ADAM10: variants seen among roughly 807,000 people sequenced by gnomAD.
ADAM10 encodes the protein ADAM metallopeptidase domain 10.
In ADAM10, 17 loss-of-function variants were observed where a neutral mutation model predicts 90.1. The observed-to-expected ratio is 0.19, with a 90% confidence interval of 0.13 to 0.28. ADAM10 has a LOEUF of 0.28. Ranked by LOEUF, ADAM10 falls within the 10% of genes least tolerant of loss-of-function variation. ADAM10 has a pLI of 1.00. For missense variants in ADAM10, 610 were observed against 914.3 expected (o/e 0.67, Z 4.29); for synonymous variants, 310 against 298.6 (o/e 1.04, Z -0.40).
In ADAM10 at chr15:58,588,964, T is replaced by C. The variant is rs1277875839; in HGVS notation, c.*8583A>G. ...CATATTCTATAAATACAGTGCATAT[T>C]AGATTTTGAAAGAAAATTTATCTCC... On this transcript the variant is annotated 3_prime_UTR_variant, in exon 16 of 16. Transcript: ENST00000260408. 2.0e-5 allele frequency: 3 copies of C among 152,224 alleles called. No homozygotes were observed. The highest frequency in any genetic ancestry group is 1.3e-4 in the Admixed American group (2 of 15,276). The allele number at this position is 152,224 out of a possible 1,614,324, so 9.4% of individuals were successfully genotyped here. A position where few individuals can be genotyped will look rare whatever the true frequency, so the allele number is the denominator to read the frequency against.
chr15:58,639,533 T>C (rs146857830), intron 8 of ADAM10, among the ~76,000 whole-genome samples: 21 of 152,238 alleles, frequency 1.4e-4, no homozygotes, highest in Non-Finnish European at 2.6e-4. Context: ...TGAAAAATCA[T>C]AGGAAAGAGT....
rs751325304 is a variant in ADAM10, at chr15:58,594,846, C to A, written c.*2701G>T. On this transcript the variant is annotated 3_prime_UTR_variant, in exon 16 of 16. Coordinates refer to ENST00000260408, the MANE Select transcript of ADAM10 (RefSeq NM_001110.4). ...ATGCTCCTAAATTAACAAAGTAATT[C>A]ACAAAGTATTACATATTTACTCATT... 3.2e-4 allele frequency: 49 copies of A among 151,972 alleles called. No individual in the cohort carries two copies. The highest frequency in any genetic ancestry group is 3.9e-4 in the Admixed American group (6 of 15,248). The allele number at this position is 151,972 out of a possible 1,614,324, so 9.4% of individuals were successfully genotyped here.
intron 2 of ADAM10, among the ~76,000 whole-genome samples, chr15:58,685,200 G>A (rs1197879968): frequency 4.1e-5 from 6 of 146,528 alleles, no homozygotes; most frequent in Non-Finnish European, 7.5e-5. Flanking sequence ...AGTGGCTCAC[G>A]CCTGTAATCC....
chr15:58,638,614 C>CAAAAAAAAAAAAAAAAAA (rs60048171), intron 8 of ADAM10, among the ~76,000 whole-genome samples: 1 of 78,214 alleles, frequency 1.3e-5, no homozygotes, highest in African/African-American at 4.5e-5. Flanking sequence ...CACTCTGTCT[C>CAAAAAAAAAAAAAAAAAA]AAAAAAAAAA....
chr15:58,607,052 A>G (rs1478060545), intron 14 of ADAM10, among the ~76,000 whole-genome samples: 1 of 152,276 alleles, frequency 6.6e-6, no homozygotes, highest in African/African-American at 2.4e-5. Context: ...TGTTTTGATA[A>G]TTTTTAAATT....
chr15:58,694,488 G>T (rs568259059), intron 2 of ADAM10, among the ~76,000 whole-genome samples: 16 of 152,198 alleles, frequency 1.1e-4, no homozygotes, highest in Non-Finnish European at 1.6e-4. Context: ...AGGCGAGTTG[G>T]CTAGTGCCTG....
At chr15:58,610,258 C>T in intron 14 of ADAM10, 39 bp downstream of exon 14, 3 of 1,577,052 alleles carry the variant, frequency 1.9e-6, no homozygotes, top group African/African-American at 2.7e-5. Context: ...TAAGATCAAA[C>T]CACTTTAAGT....
At chr15:58,657,204 C>T (rs994385195) in intron 5 of ADAM10, among the ~76,000 whole-genome samples, 1 of 152,132 alleles carries the variant, frequency 6.6e-6, no homozygotes, top group African/African-American at 2.4e-5. Flanking sequence ...GCTTCATAAC[C>T]TTCTTACACT....
chr15:58,746,048 C>A (rs1899780937), intron 1 of ADAM10, among the ~76,000 whole-genome samples: 1 of 152,118 alleles, frequency 6.6e-6, no homozygotes, highest in African/African-American at 2.4e-5. Flanking sequence ...TGTATGAAAG[C>A]CGCTTTCAAA....
intron 8 of ADAM10, among the ~76,000 whole-genome samples, chr15:58,634,380 T>C (rs955948044): frequency 6.6e-5 from 10 of 151,958 alleles, no homozygotes; most frequent in African/African-American, 2.2e-4. Context: ...AAAAAAAAAT[T>C]AAAAACTGAA....
At chr15:58,631,000 C>G (rs1368433653) in intron 9 of ADAM10, among the ~76,000 whole-genome samples, 1 of 152,070 alleles carries the variant, frequency 6.6e-6, no homozygotes, top group Non-Finnish European at 1.5e-5. Context: ...TTCTCACTCT[C>G]TTAGTTTCTG....
chr15:58,606,919 T>C (rs780636131), intron 14 of ADAM10, among the ~76,000 whole-genome samples: 1 of 152,256 alleles, frequency 6.6e-6, no homozygotes, highest in Non-Finnish European at 1.5e-5. Context: ...ACAGTCACTG[T>C]TGCAGCTACT....
intron 5 of ADAM10, among the ~76,000 whole-genome samples, chr15:58,655,696 G>GTATATATATATATAGTATATATATATA: frequency 1.5e-5 from 1 of 68,256 alleles, no homozygotes; most frequent in South Asian, 4.6e-4. Context: ...ATTATATATA[G>GTATATATATATATAGTATATATATATA]TATATATATA....
intron 4 of ADAM10, among the ~76,000 whole-genome samples, chr15:58,677,499 T>C (rs927014026): frequency 6.6e-6 from 1 of 151,588 alleles, no homozygotes; most frequent in Admixed American, 6.6e-5. Context: ...ATGCAAAAAA[T>C]ACAATTATAT....
intron 2 of ADAM10, among the ~76,000 whole-genome samples, chr15:58,715,463 A>G (rs1898627674): frequency 6.6e-6 from 1 of 151,922 alleles, no homozygotes; most frequent in South Asian, 2.1e-4. Context: ...ATGAGACCAC[A>G]TTACATGAGA....
At chr15:58,623,759 A>C (rs1311626300) in intron 10 of ADAM10, among the ~76,000 whole-genome samples, 1 of 152,136 alleles carries the variant, frequency 6.6e-6, no homozygotes, top group Non-Finnish European at 1.5e-5. Flanking sequence ...TGGGAGTTGA[A>C]CAATGAGAGC....
At chr15:58,748,646 C>A in intron 1 of ADAM10, 1 of 322,236 alleles carries the variant, frequency 3.1e-6, no homozygotes, top group Non-Finnish European at 5.6e-6. Context: ...TAACGAAACT[C>A]TTCAAGTTGG....
rs545519071 is a variant in ADAM10, at chr15:58,595,843, T to C, written c.*1704A>G. On this transcript the variant is annotated 3_prime_UTR_variant, in exon 16 of 16. Coordinates refer to ENST00000260408, the MANE Select transcript of ADAM10 (RefSeq NM_001110.4). ...TTGCACAGTCCAAAAACAAAGGCAT[T>C]TAAATGATTTAAAAGCAATTACATA... The C allele has an allele frequency of 7.9e-5, 12 of 152,254 alleles. No homozygotes were observed. The East Asian group carries it at 2.3e-3, about 29-fold the overall frequency. 9.4% of individuals were successfully genotyped at this position (152,254 alleles called of 1,614,324 possible). A position where few individuals can be genotyped will look rare whatever the true frequency, so the allele number is the denominator to read the frequency against.
chr15:58,671,431 T>C (rs1488946375), intron 4 of ADAM10, among the ~76,000 whole-genome samples: 1 of 152,266 alleles, frequency 6.6e-6, no homozygotes, highest in Non-Finnish European at 1.5e-5. Context: ...GGCACTCTTA[T>C]AAGGTCACTG....
Sources: allele counts gnomAD v4.1 joint callset (sites outside exome capture counted in the v4.1 genomes callset), GRCh38; gene constraint gnomAD v4.1.1; transcripts MANE v1.5; gene names NCBI Gene and HGNC (gene_info 2026-07-23, HGNC 2026-07-21).